TBCE: variants seen among roughly 807,000 people sequenced by gnomAD.
TBCE encodes tubulin folding cofactor E, also known as tubulin-specific chaperone E.
In TBCE, 53 loss-of-function variants were observed where a neutral mutation model predicts 77.0. That is an observed-to-expected ratio of 0.69 (90% confidence interval 0.55 to 0.87). The LOEUF (loss-of-function observed/expected upper bound fraction) is 0.87. TBCE is among the 40% of genes least tolerant of loss of function. The pLI, the probability that TBCE is intolerant of heterozygous loss-of-function variation, is 0.00. For missense variants in TBCE, 624 were observed against 622.4 expected (o/e 1.00, Z -0.03); for synonymous variants, 235 against 241.3 (o/e 0.97, Z 0.24).
chr1:235,392,867 A>G (rs1678477821), intron 2 of TBCE, among the ~76,000 whole-genome samples: 1 of 151,930 alleles, frequency 6.6e-6, no homozygotes, highest in Non-Finnish European at 1.5e-5. Flanking sequence ...TAACAAAATT[A>G]TTTGCCAGGC....
intron 1 of TBCE, among the ~76,000 whole-genome samples, chr1:235,373,200 TTA>T (rs2102798582): frequency 6.6e-6 from 1 of 152,116 alleles, no homozygotes; most frequent in East Asian, 1.9e-4. Flanking sequence ...GTAGAACAAA[TTA>T]TATGTCTCAG....
At chr1:235,447,371 ACT>A (rs1682429477) in intron 15 of TBCE, among the ~76,000 whole-genome samples, 1 of 152,120 alleles carries the variant, frequency 6.6e-6, no homozygotes, top group African/African-American at 2.4e-5. Flanking sequence ...CTTCAAGGAA[ACT>A]CTATTTCTTA....
chr1:235,418,896 C>T (rs998621425), intron 4 of TBCE, among the ~76,000 whole-genome samples: 3 of 152,210 alleles, frequency 2.0e-5, no homozygotes, highest in African/African-American at 7.2e-5. Context: ...ATTAAATAAA[C>T]ACCAAATGTA....
intron 8 of TBCE, among the ~76,000 whole-genome samples, chr1:235,435,186 C>T (rs1170091868): frequency 3.3e-5 from 5 of 151,994 alleles, no homozygotes; most frequent in Non-Finnish European, 7.4e-5. Context: ...CTGCAACCTC[C>T]ACCTCCCTGG....
chr1:235,414,793 T>A, intron 4 of TBCE, 175 bp downstream of exon 4: 1 of 667,770 alleles, frequency 1.5e-6, no homozygotes, highest in Non-Finnish European at 2.6e-6. Flanking sequence ...AAATTAAAAT[T>A]CTTATGTTAG....
chr1:235,425,019 G>A (rs928627621), intron 5 of TBCE, among the ~76,000 whole-genome samples: 3 of 152,100 alleles, frequency 2.0e-5, no homozygotes, highest in Non-Finnish European at 2.9e-5. Context: ...GCAGACTGTT[G>A]GGTGTACCCC....
intron 5 of TBCE, among the ~76,000 whole-genome samples, chr1:235,420,576 G>A (rs1051752983): frequency 2.1e-4 from 30 of 145,954 alleles, no homozygotes; most frequent in Admixed American, 7.9e-4. Flanking sequence ...TCCGCCTCCC[G>A]GGTTCAAGCA....
intron 3 of TBCE, among the ~76,000 whole-genome samples, chr1:235,404,706 T>C (rs1224484012): frequency 6.6e-6 from 1 of 151,878 alleles, no homozygotes. Context: ...TCTTGCTCTG[T>C]CACCCAGGCT....
chr1:235,434,039 A>T, intron 7 of TBCE, 165 bp from the exon 8 acceptor site: 2 of 689,608 alleles, frequency 2.9e-6, no homozygotes, highest in Non-Finnish European at 2.6e-6. Context: ...TTTATTTATC[A>T]CCCCCCACCA....
intron 1 of TBCE, among the ~76,000 whole-genome samples, chr1:235,370,252 C>CTTTT (rs534933199): frequency 3.0e-5 from 4 of 132,886 alleles, no homozygotes; most frequent in African/African-American, 8.4e-5. Flanking sequence ...CTGCTGTATT[C>CTTTT]TTTTTTTTTT....
At chr1:235,421,891 C>G (rs1680418927) in intron 5 of TBCE, among the ~76,000 whole-genome samples, 1 of 152,180 alleles carries the variant, frequency 6.6e-6, no homozygotes, top group Non-Finnish European at 1.5e-5. Flanking sequence ...TGGCAAAATG[C>G]CCCGACAGTG....
chr1:235,369,849 C>T (rs937059583), intron 1 of TBCE, among the ~76,000 whole-genome samples: 2 of 149,928 alleles, frequency 1.3e-5, no homozygotes, highest in African/African-American at 4.9e-5. Context: ...AAAAAAAAAG[C>T]CGAAGTCTTC....
intron 6 of TBCE, 75 bp from the exon 7 acceptor site, chr1:235,430,630 T>A: frequency 9.7e-7 from 1 of 1,025,830 alleles, no homozygotes. Flanking sequence ...AAACCCAGAT[T>A]GTTGCTTTCA....
chr1:235,389,597 C>G (rs533826328), intron 2 of TBCE, among the ~76,000 whole-genome samples: 1 of 152,052 alleles, frequency 6.6e-6, no homozygotes, highest in Non-Finnish European at 1.5e-5. Flanking sequence ...TCCCAAAGTG[C>G]TGGGATTACA....
chr1:235,425,200 C>T lies in TBCE; in HGVS notation c.461-1940C>T, dbSNP rs145331142. Among the ~76,000 whole-genome samples the T allele has an allele frequency of 2.6e-3, 403 of 152,270 alleles. 3 individuals carry two copies. The highest frequency in any genetic ancestry group is 9.0e-3 in the African/African-American group (373 of 41,550). On this transcript the variant is annotated intron_variant, in intron 5 of 16. Coordinates refer to ENST00000642610, the MANE Select transcript of TBCE (RefSeq NM_003193.5). ...TTAGCATGTCCAAAACTAAGACCCA[C>T]GCCTGCTCATCCTGTAGTCTTTTCC... is the stretch of plus-strand genomic sequence containing the variant.
At chr1:235,413,772 G>T (rs1558372148) in intron 3 of TBCE, 1 of 150,072 alleles carries the variant, frequency 6.7e-6, no homozygotes, top group African/African-American at 2.5e-5. Flanking sequence ...AAGTGACAAG[G>T]TCTCTCTCTG....
intron 1 of TBCE, among the ~76,000 whole-genome samples, chr1:235,377,483 G>A (rs1336444762): frequency 6.6e-6 from 1 of 151,870 alleles, no homozygotes; most frequent in South Asian, 2.1e-4. Context: ...CCAGCCTAAT[G>A]TTATTGTTTT....
intron 9 of TBCE, 167 bp from the exon 10 acceptor site, chr1:235,436,219 A>G (rs879409901): frequency 2.7e-5 from 18 of 672,492 alleles, no homozygotes; most frequent in Non-Finnish European, 4.5e-5. Flanking sequence ...AATACAGGAT[A>G]AAGAGTTCAC....
chr1:235,449,052 AC>A lies in TBCE; in HGVS notation c.*291del. 2.9e-6 allele frequency: 1 copy of A among 343,314 alleles called. No individual in the cohort carries two copies. The highest frequency in any genetic ancestry group is 2.6e-5 in the South Asian group (1 of 38,696). 21.3% of individuals were successfully genotyped at this position (343,314 alleles called of 1,614,324 possible). A position where few individuals can be genotyped will look rare whatever the true frequency, so the allele number is the denominator to read the frequency against. On this transcript the variant is annotated 3_prime_UTR_variant, in exon 17 of 17. Transcript: ENST00000642610. ...AGATTTAAATATTAAATAGAAAGAAACTAGCTAGCCTAATAAAATCTGAACA... is the reference window on the plus strand; with the variant it reads ...AGATTTAAATATTAAATAGAAAGAAATAGCTAGCCTAATAAAATCTGAACA...
Sources: gnomAD v4.1 joint callset for allele counts (sites outside exome capture counted in the v4.1 genomes callset) on GRCh38, gnomAD v4.1.1 for gene constraint, MANE v1.5 for transcripts, NCBI Gene and HGNC (gene_info 2026-07-23, HGNC 2026-07-21) for gene names.